The following COL24A1 variants were observed in gnomAD, a reference collection of about 807,000 sequenced individuals.
The protein encoded by COL24A1 is collagen type XXIV alpha 1 chain, also known as collagen alpha-1(XXIV) chain.
COL24A1 carries 224 observed loss-of-function variants against 253.9 expected under a neutral mutation model. The observed-to-expected ratio is 0.88, with a 90% CI of 0.79 to 0.99. COL24A1 has a LOEUF of 0.99. Ranked by LOEUF, COL24A1 falls within the 50% of genes least tolerant of loss-of-function variation. The probability of loss-of-function intolerance (pLI) is 0.00; values close to 1 mark genes in which losing one functional copy is unlikely to be tolerated. For synonymous variants in COL24A1, 685 were observed against 673.7 expected (o/e 1.02, Z -0.26); for missense variants, 2,131 against 2,068.5 (o/e 1.03, Z -0.59).
intron 24 of COL24A1, among the ~76,000 whole-genome samples, chr1:85,921,512 T>C (rs188004377): frequency 6.9e-4 from 105 of 152,310 alleles, no homozygotes; most frequent in Non-Finnish European, 9.4e-4. Flanking sequence ...CAGCCTCCAC[T>C]GGTGATACCT....
At chr1:85,831,408 T>C (rs564749646) in intron 43 of COL24A1, among the ~76,000 whole-genome samples, 1 of 152,228 alleles carries the variant, frequency 6.6e-6, no homozygotes, top group Non-Finnish European at 1.5e-5. Context: ...AGAGTGATCA[T>C]AGAATAGCCA....
intron 42 of COL24A1, among the ~76,000 whole-genome samples, chr1:85,840,173 G>A (rs887677265): frequency 6.6e-6 from 1 of 151,990 alleles, no homozygotes; most frequent in African/African-American, 2.4e-5. Flanking sequence ...TACATTTTAG[G>A]TGGCATTCTT....
chr1:85,975,054 A>G (rs1481555371), intron 20 of COL24A1, among the ~76,000 whole-genome samples: 1 of 152,204 alleles, frequency 6.6e-6, no homozygotes, highest in African/African-American at 2.4e-5. Flanking sequence ...CATCAGGGAA[A>G]TGCAAATCAA....
intron 11 of COL24A1, among the ~76,000 whole-genome samples, chr1:86,049,810 A>G (rs961923544): frequency 3.3e-5 from 5 of 152,138 alleles, no homozygotes; most frequent in African/African-American, 1.2e-4. Flanking sequence ...TATACTCTTG[A>G]CATATACTTT....
intron 2 of COL24A1, among the ~76,000 whole-genome samples, chr1:86,143,602 C>T (rs1651461547): frequency 6.6e-6 from 1 of 151,386 alleles, no homozygotes; most frequent in African/African-American, 2.4e-5. Flanking sequence ...AATGTTAAGT[C>T]CTCATCATTA....
intron 19 of COL24A1, among the ~76,000 whole-genome samples, chr1:86,002,733 A>G (rs74493376): frequency 0.026 from 3,920 of 152,266 alleles, 62 homozygotes; most frequent in South Asian, 0.072. Context: ...CCCTTCAAAG[A>G]TTCATAAGCT....
intron 28 of COL24A1, among the ~76,000 whole-genome samples, chr1:85,900,695 G>A (rs1194867304): frequency 2.0e-5 from 3 of 151,844 alleles, no homozygotes; most frequent in Admixed American, 2.0e-4. Flanking sequence ...AAACAGCATG[G>A]TACTAGTATA....
chr1:85,933,125 G>A (rs1163420384), intron 24 of COL24A1, among the ~76,000 whole-genome samples: 2 of 148,500 alleles, frequency 1.3e-5, no homozygotes, highest in South Asian at 2.2e-4. Context: ...AAAAAAGAAT[G>A]TGTGTAGGTG....
chr1:85,805,557 A>T (rs1671870249), intron 47 of COL24A1, among the ~76,000 whole-genome samples: 1 of 152,214 alleles, frequency 6.6e-6, no homozygotes, highest in Non-Finnish European at 1.5e-5. Flanking sequence ...AAAGACAAAA[A>T]ATATGGAGTT....
intron 5 of COL24A1, among the ~76,000 whole-genome samples, chr1:86,096,318 A>T (rs924724263): frequency 2.0e-5 from 3 of 152,136 alleles, no homozygotes; most frequent in African/African-American, 7.2e-5. Flanking sequence ...AATGAACTAA[A>T]TTGTGAGAAT....
intron 2 of COL24A1, among the ~76,000 whole-genome samples, chr1:86,145,298 T>C (rs985394079): frequency 2.6e-5 from 4 of 152,112 alleles, no homozygotes; most frequent in Non-Finnish European, 5.9e-5. Flanking sequence ...TAAGAATTAA[T>C]GCTTTGGCAG....
intron 58 of COL24A1, chr1:85,736,337 T>C (rs1364052499): frequency 2.2e-6 from 1 of 456,274 alleles, no homozygotes; most frequent in Non-Finnish European, 4.4e-6. Context: ...TGGAAACAAC[T>C]AGAGTCCGCT....
At chr1:85,911,933 CAAAT>C (rs1465792918) in intron 24 of COL24A1, among the ~76,000 whole-genome samples, 1 of 152,062 alleles carries the variant, frequency 6.6e-6, no homozygotes, top group Non-Finnish European at 1.5e-5. Flanking sequence ...CTGAGGAAGA[CAAAT>C]CTAGACCCTG....
chr1:85,843,802 A>C (rs1676883172), intron 39 of COL24A1, among the ~76,000 whole-genome samples: 1 of 152,284 alleles, frequency 6.6e-6, no homozygotes, highest in African/African-American at 2.4e-5. Flanking sequence ...CTGTTGCCCC[A>C]AAAGCAGGCA....
intron 35 of COL24A1, among the ~76,000 whole-genome samples, chr1:85,873,455 T>C (rs1680769406): frequency 6.6e-6 from 1 of 152,182 alleles, no homozygotes; most frequent in South Asian, 2.1e-4. Context: ...CCATCAATGA[T>C]AGACTGGATT....
chr1:86,032,744 TG>T (rs529781066), intron 13 of COL24A1, among the ~76,000 whole-genome samples: 2 of 152,288 alleles, frequency 1.3e-5, no homozygotes, highest in East Asian at 3.9e-4. Context: ...AGTTGACTAT[TG>T]TATTTTAAAG....
chr1:85,746,383 G>A (rs1665218321), intron 55 of COL24A1, among the ~76,000 whole-genome samples: 1 of 152,034 alleles, frequency 6.6e-6, no homozygotes, highest in African/African-American at 2.4e-5. Context: ...GTTCATACTG[G>A]AAAATAATTG....
intron 19 of COL24A1, among the ~76,000 whole-genome samples, chr1:86,011,141 A>G (rs1177408078): frequency 6.6e-6 from 1 of 152,088 alleles, no homozygotes; most frequent in Non-Finnish European, 1.5e-5. Context: ...TTAAAGTTTA[A>G]TATAATTATA....
intron 1 of COL24A1, chr1:86,154,975 G>A (rs1314755538): frequency 6.6e-6 from 1 of 152,366 alleles, no homozygotes; most frequent in African/African-American, 2.4e-5. Flanking sequence ...ACAGAGGGAT[G>A]TTTATCGAGA....
Sources: allele counts gnomAD v4.1 joint callset (sites outside exome capture counted in the v4.1 genomes callset), GRCh38; gene constraint gnomAD v4.1.1; transcripts MANE v1.5; gene names NCBI Gene and HGNC (gene_info 2026-07-23, HGNC 2026-07-21).